The following XKR4 variants were observed in gnomAD, a reference collection of about 807,000 sequenced individuals.
XKR4 encodes XK-related protein 4.
XKR4 carries 12 observed loss-of-function variants against 53.9 expected under a neutral mutation model. That is an observed-to-expected ratio of 0.22 (90% CI 0.14 to 0.36). XKR4 has a LOEUF of 0.36. XKR4 is among the 10% of genes least tolerant of loss of function. The pLI, the probability that XKR4 is intolerant of heterozygous loss-of-function variation, is 1.00. For synonymous variants in XKR4, 354 were observed against 362.4 expected, an observed-to-expected ratio of 0.98 and a Z score of 0.26; for missense variants, 799 against 859.5, an observed-to-expected ratio of 0.93 and a Z score of 0.88.
In XKR4 at chr8:55,276,119, T is replaced by C. The variant is rs1047680455; in HGVS notation, c.807-81559T>C. ...CTTACTAGAGAGACTGAAATCGTTA[T>C]ACACAGTGCATCCCTAGTAATAGAA... On this transcript the variant is annotated intron_variant, in intron 1 of 2. Transcript: ENST00000327381. 5.3e-5 allele frequency among the ~76,000 whole-genome samples: 8 copies of C among 152,360 alleles called. No homozygotes were observed. In the South Asian group the frequency reaches 1.2e-3, roughly 24 times the overall value.
intron 1 of XKR4, among the ~76,000 whole-genome samples, chr8:55,162,178 C>A (rs1816994226): frequency 2.0e-5 from 3 of 152,170 alleles, no homozygotes; most frequent in Admixed American, 2.0e-4. Context: ...TCATTTTCTC[C>A]TCATGATGTT....
At chr8:55,193,163 G>T (rs560005199) in intron 1 of XKR4, among the ~76,000 whole-genome samples, 1 of 151,584 alleles carries the variant, frequency 6.6e-6, no homozygotes, top group African/African-American at 2.4e-5. Flanking sequence ...CCCATTACCC[G>T]TCGAACTGTG....
chr8:55,252,775 C>A (rs922218438), intron 1 of XKR4, among the ~76,000 whole-genome samples: 1 of 152,166 alleles, frequency 6.6e-6, no homozygotes, highest in African/African-American at 2.4e-5. Context: ...AAGAAAGAGA[C>A]CCTGCTCAAA....
chr8:55,513,422 G>C (rs532951845), intron 2 of XKR4, among the ~76,000 whole-genome samples: 79 of 152,308 alleles, frequency 5.2e-4, no homozygotes, highest in African/African-American at 1.8e-3. Context: ...GCATGGTCAG[G>C]GGTGAGGCTG....
intron 1 of XKR4, among the ~76,000 whole-genome samples, chr8:55,266,020 C>A (rs1250906717): frequency 6.7e-6 from 1 of 150,274 alleles, no homozygotes; most frequent in Non-Finnish European, 1.5e-5. Flanking sequence ...TTTAAAAATT[C>A]TTAAATATAG....
At position 55,541,345 on chromosome 8, in the gene XKR4, T is replaced by C. The variant is rs1807097933; in HGVS notation, c.*17118T>C. The C allele has an allele frequency of 6.6e-6, 1 of 152,218 alleles. No individual in the cohort carries two copies. The highest frequency in any genetic ancestry group is 2.4e-5 in the African/African-American group (1 of 41,448). 9.4% of individuals were successfully genotyped at this position (152,218 alleles called of 1,614,324 possible). A position where few individuals can be genotyped will look rare whatever the true frequency, so the allele number is the denominator to read the frequency against. ...CAACATCAAGATAAGCTGCTCTATATTTGCTTAATTTGCCTTAAACATTTT... is the reference window on the plus strand; with the variant it reads ...CAACATCAAGATAAGCTGCTCTATACTTGCTTAATTTGCCTTAAACATTTT... On this transcript the variant is annotated 3_prime_UTR_variant, in exon 3 of 3. Transcript: ENST00000327381.
At chr8:55,323,734 G>A (rs1249461583) in intron 1 of XKR4, among the ~76,000 whole-genome samples, 1 of 152,170 alleles carries the variant, frequency 6.6e-6, no homozygotes, top group Non-Finnish European at 1.5e-5. Context: ...GTATGAGACT[G>A]TGGAACATTG....
intron 1 of XKR4, among the ~76,000 whole-genome samples, chr8:55,221,404 C>G (rs1316277830): frequency 1.3e-5 from 2 of 152,146 alleles, no homozygotes. Flanking sequence ...GCTGTAAGGT[C>G]CCCACAGGCT....
chr8:55,236,103 G>T (rs745584849), intron 1 of XKR4, among the ~76,000 whole-genome samples: 9 of 152,182 alleles, frequency 5.9e-5, no homozygotes, highest in Non-Finnish European at 8.8e-5. Flanking sequence ...CAGCCTACAG[G>T]CTCAGGGTGG....
chr8:55,499,846 T>G (rs1806408948), intron 2 of XKR4, among the ~76,000 whole-genome samples: 1 of 152,228 alleles, frequency 6.6e-6, no homozygotes, highest in Non-Finnish European at 1.5e-5. Flanking sequence ...GCTATCACTG[T>G]AATTCAGGAT....
chr8:55,328,512 A>G (rs1439714845), intron 1 of XKR4, among the ~76,000 whole-genome samples: 1 of 152,158 alleles, frequency 6.6e-6, no homozygotes, highest in Non-Finnish European at 1.5e-5. Context: ...CCTTCAGCCC[A>G]TCTAATTCCT....
At chr8:55,460,389 C>T (rs900500438) in intron 2 of XKR4, among the ~76,000 whole-genome samples, 1 of 152,140 alleles carries the variant, frequency 6.6e-6, no homozygotes, top group African/African-American at 2.4e-5. Context: ...ATCATTGAAC[C>T]ATATGCTTAA....
intron 1 of XKR4, among the ~76,000 whole-genome samples, chr8:55,245,303 C>T (rs1818270362): frequency 6.6e-6 from 1 of 152,036 alleles, no homozygotes; most frequent in Non-Finnish European, 1.5e-5. Context: ...GCATAGTTTG[C>T]AAAAATTTTC....
intron 1 of XKR4, among the ~76,000 whole-genome samples, chr8:55,210,970 A>T (rs1013686790): frequency 6.6e-6 from 1 of 152,120 alleles, no homozygotes; most frequent in African/African-American, 2.4e-5. Context: ...GAAATTTTCC[A>T]TTGTGGGCTT....
Position 55,523,547 on chromosome 8 carries a change from A to G in XKR4, c.1273A>G (p.Ile425Val), listed in dbSNP as rs147871706. The change falls in exon 3 of 3, where the codon ATC becomes GTC. Residue 425 changes from isoleucine to valine, a missense_variant. Transcript: ENST00000327381. ...WIVHCETEFC[I>V]TKWEEIVFDM... ...CGTCCACTGTGAGACAGAATTCTGT[A>G]TCACCAAATGGGAAGAGATTGTGTT... 3.7e-6 allele frequency: 6 copies of G among 1,614,068 alleles called. No homozygotes were observed. Among genetic ancestry groups the G allele is most frequent in the Non-Finnish European group, 4.2e-6 (5 of 1,180,038 alleles).
intron 1 of XKR4, among the ~76,000 whole-genome samples, chr8:55,174,703 G>A (rs1055961082): frequency 2.6e-5 from 4 of 152,152 alleles, no homozygotes; most frequent in Admixed American, 1.3e-4. Flanking sequence ...TACTTTTTGG[G>A]TGGTTGAAGT....
chr8:55,195,747 A>G (rs986945596), intron 1 of XKR4, among the ~76,000 whole-genome samples: 2 of 152,202 alleles, frequency 1.3e-5, no homozygotes, highest in African/African-American at 4.8e-5. Flanking sequence ...ATATCAGAGG[A>G]GGTGTTTAGT....
chr8:55,402,993 G>C (rs1223506781), intron 2 of XKR4, among the ~76,000 whole-genome samples: 1 of 152,158 alleles, frequency 6.6e-6, no homozygotes, highest in Admixed American at 6.5e-5. Context: ...CCAGGAGCAG[G>C]CTGGGGTTTG....
At chr8:55,111,351 T>TA (rs1816227496) in intron 1 of XKR4, among the ~76,000 whole-genome samples, 1 of 152,170 alleles carries the variant, frequency 6.6e-6, no homozygotes, top group Admixed American at 6.5e-5. Flanking sequence ...CTGCTCTTAT[T>TA]ATACATTCTT....
Sources: allele counts gnomAD v4.1 joint callset (sites outside exome capture counted in the v4.1 genomes callset), GRCh38; gene constraint gnomAD v4.1.1; transcripts MANE v1.5; gene names NCBI Gene and HGNC (gene_info 2026-07-23, HGNC 2026-07-21).